Variants in GAS7 observed in about 807,000 individuals in gnomAD.
GAS7 encodes the protein growth arrest specific 7.
A neutral mutation model predicts 71.1 loss-of-function variants in GAS7; 28 were observed. The observed-to-expected ratio is 0.39, with a 90% CI of 0.29 to 0.54. The LOEUF is 0.54. Ranked by LOEUF, GAS7 falls within the 20% of genes least tolerant of loss-of-function variation. GAS7 has a pLI of 0.62. For synonymous variants in GAS7, 258 were observed against 245.8 expected (o/e 1.05, Z -0.46); for missense variants, 436 against 627.8 (o/e 0.69, Z 3.27).
intron 1 of GAS7, among the ~76,000 whole-genome samples, chr17:10,043,068 G>C (rs2072896021): frequency 6.6e-6 from 1 of 152,140 alleles, no homozygotes. Context: ...GATCCTACAG[G>C]CTGACAAGGA....
rs2067450442 is a variant in GAS7 at position 9,911,980 on chromosome 17, A to G, written c.*5248T>C. The G allele has an allele frequency of 4.3e-6, 1 of 232,084 alleles. No individual in the cohort carries two copies. The highest frequency in any genetic ancestry group is 2.2e-5 in the African/African-American group (1 of 45,400). 14.4% of individuals were successfully genotyped at this position (232,084 alleles called of 1,614,324 possible). A position where few individuals can be genotyped will look rare whatever the true frequency, so the allele number is the denominator to read the frequency against. On this transcript the variant is annotated 3_prime_UTR_variant, in exon 14 of 14. Transcript: ENST00000432992. The surrounding 1 kb of genome is among the most constrained non-coding windows in gnomAD (Gnocchi z 4.0). ...CCACCATCCAGTGGGGTGCAGGTAC[A>G]GGCCAGGCTGTGTGATCACCAGCTA...
chr17:10,174,617 A>T (rs111777830), intron 1 of GAS7, among the ~76,000 whole-genome samples: 5 of 151,176 alleles, frequency 3.3e-5, no homozygotes, highest in African/African-American at 1.2e-4. Context: ...GCGTGAACCC[A>T]GGAGGCGGAG....
At chr17:10,048,083 C>G (rs996668180) in intron 1 of GAS7, among the ~76,000 whole-genome samples, 3 of 152,224 alleles carry the variant, frequency 2.0e-5, no homozygotes, top group Non-Finnish European at 2.9e-5. Context: ...GGGCAGATCA[C>G]TTGAGGTCAG....
intron 1 of GAS7, among the ~76,000 whole-genome samples, chr17:10,162,445 C>G (rs2953450): frequency 0.33 from 50,873 of 152,148 alleles, 9,082 homozygotes; most frequent in East Asian, 0.49. Context: ...TCCCCCCTCC[C>G]ACTCATTCTT....
At chr17:10,108,807 T>C (rs1323687099) in intron 1 of GAS7, among the ~76,000 whole-genome samples, 2 of 152,138 alleles carry the variant, frequency 1.3e-5, no homozygotes, top group Non-Finnish European at 2.9e-5. Context: ...TGGACCCCTA[T>C]CTCTCACCAT....
intron 1 of GAS7, among the ~76,000 whole-genome samples, chr17:10,068,706 G>A (rs541760623): frequency 8.5e-5 from 13 of 152,202 alleles, no homozygotes; most frequent in Admixed American, 2.6e-4. Context: ...TGAGGCTGCA[G>A]TGAGCTAGGA....
chr17:9,993,441 T>C (rs978298026), intron 2 of GAS7, among the ~76,000 whole-genome samples: 1 of 152,216 alleles, frequency 6.6e-6, no homozygotes, highest in African/African-American at 2.4e-5. Context: ...TGCCCACTTT[T>C]TGATGGATGC....
chr17:10,006,939 CCAT>C (rs2071560296), intron 2 of GAS7, among the ~76,000 whole-genome samples: 1 of 152,176 alleles, frequency 6.6e-6, no homozygotes, highest in Admixed American at 6.5e-5. Context: ...AATAGCTCCA[CCAT>C]GAGATTCTAC....
At chr17:10,058,361 G>C (rs1256558186) in intron 1 of GAS7, among the ~76,000 whole-genome samples, 2 of 152,050 alleles carry the variant, frequency 1.3e-5, no homozygotes, top group East Asian at 3.9e-4. Flanking sequence ...GCTGAGGCAA[G>C]AGAATGGCGT....
chr17:10,184,167 C>T (rs1042726080), intron 1 of GAS7, among the ~76,000 whole-genome samples: 1 of 152,204 alleles, frequency 6.6e-6, no homozygotes, highest in African/African-American at 2.4e-5. Context: ...GCAAGACCAT[C>T]CCTGGCTGCC....
chr17:10,016,748 AAAAAAT>A (rs1424614846), intron 2 of GAS7, among the ~76,000 whole-genome samples: 4 of 126,392 alleles, frequency 3.2e-5, no homozygotes, highest in Admixed American at 8.6e-5. Flanking sequence ...ACATCTCTAC[AAAAAAT>A]AATAATAATA....
chr17:10,009,687 A>AC (rs1398586850), intron 2 of GAS7, among the ~76,000 whole-genome samples: 3 of 151,330 alleles, frequency 2.0e-5, no homozygotes, highest in African/African-American at 7.3e-5. Context: ...AAAAAAAAAA[A>AC]AACCAAACAA....
intron 1 of GAS7, among the ~76,000 whole-genome samples, chr17:10,043,684 G>C (rs2072905332): frequency 1.3e-5 from 2 of 152,246 alleles, no homozygotes; most frequent in African/African-American, 4.8e-5. Context: ...GGAGGCTGAA[G>C]TGGGAGGATG....
In GAS7 at chr17:10,107,945, G is replaced by A. The variant is rs987495241; in HGVS notation, c.184-88048C>T. 1.4e-4 allele frequency among the ~76,000 whole-genome samples: 21 copies of A among 151,872 alleles called. 1 individual carries two copies. Among genetic ancestry groups the A allele is most frequent in the Admixed American group, 1.2e-3 (18 of 15,266 alleles). ...GGTTAGGGAAACCGCCTTACACACA[G>A]TCCAGTGGGAGCTGGGCAGGAGAAC... is the stretch of plus-strand genomic sequence containing the variant. On this transcript the variant is annotated intron_variant, in intron 1 of 13. Transcript: ENST00000432992.
intron 1 of GAS7, among the ~76,000 whole-genome samples, chr17:10,112,884 G>A (rs1371685401): frequency 6.6e-6 from 1 of 152,040 alleles, no homozygotes; most frequent in Non-Finnish European, 1.5e-5. Context: ...AGAAAAGAGA[G>A]TCCAGTAGTG....
intron 1 of GAS7, among the ~76,000 whole-genome samples, chr17:10,032,801 T>G (rs2072653372): frequency 6.6e-6 from 1 of 152,228 alleles, no homozygotes; most frequent in Non-Finnish European, 1.5e-5. Context: ...CAAACTCTTT[T>G]GGTCTAGATA....
intron 1 of GAS7, among the ~76,000 whole-genome samples, chr17:10,179,942 T>A (rs763370085): frequency 5.9e-5 from 9 of 152,156 alleles, no homozygotes; most frequent in Non-Finnish European, 1.2e-4. Context: ...CAGCAAATAC[T>A]GAGAACTGGT....
intron 1 of GAS7, among the ~76,000 whole-genome samples, chr17:10,079,776 T>A (rs2073437467): frequency 6.6e-6 from 1 of 152,216 alleles, no homozygotes; most frequent in African/African-American, 2.4e-5. Context: ...TCATGGTCAC[T>A]CATATTTAGC....
chr17:10,168,739 G>A (rs1186920700), intron 1 of GAS7, among the ~76,000 whole-genome samples: 6 of 152,186 alleles, frequency 3.9e-5, no homozygotes, highest in Middle Eastern at 3.2e-3. Flanking sequence ...TTGGGAGGCT[G>A]AGGCGGGCGG....
Sources: allele counts gnomAD v4.1 joint callset (sites outside exome capture counted in the v4.1 genomes callset), GRCh38; gene constraint gnomAD v4.1.1; non-coding constraint Gnocchi (gnomAD v3.1); transcripts MANE v1.5; gene names NCBI Gene and HGNC (gene_info 2026-07-23, HGNC 2026-07-21).